Variants in GMDS observed in about 807,000 individuals in gnomAD.
GMDS encodes GDP-mannose 4,6 dehydratase.
GMDS carries 20 observed loss-of-function variants against 49.9 expected under a neutral mutation model. That is an observed-to-expected ratio of 0.40 (90% CI 0.28 to 0.58). The LOEUF (loss-of-function observed/expected upper bound fraction) is 0.58. Ranked by LOEUF, GMDS falls within the 20% of genes least tolerant of loss-of-function variation. The pLI is 0.42. For missense variants in GMDS, 362 were observed against 481.4 expected (o/e 0.75, Z 2.32); for synonymous variants, 177 against 178.6 (o/e 0.99, Z 0.07).
intron 7 of GMDS, among the ~76,000 whole-genome samples, chr6:1,807,600 C>T (rs151330475): frequency 6.6e-6 from 1 of 152,276 alleles, no homozygotes; most frequent in Non-Finnish European, 1.5e-5. Context: ...ATAAATGTAT[C>T]TATTATTCTA....
At chr6:1,691,710 A>G (rs55755623) in intron 9 of GMDS, among the ~76,000 whole-genome samples, 20,043 of 152,228 alleles carry the variant, frequency 0.13, 1,770 homozygotes, top group Non-Finnish European at 0.19. Flanking sequence ...ATTAAGGTAT[A>G]TAATTAACAT....
chr6:1,778,725 G>GA lies in GMDS; in HGVS notation c.772-36140dup, dbSNP rs1198011575. On this transcript the variant is annotated intron_variant, in intron 7 of 10. Transcript: ENST00000380815. This position sits in a 1 kb window ranked among gnomAD's most constrained non-coding sequence, Gnocchi z 4.6. Reference sequence around the variant, plus strand: ...GGAACTTTCCCTTCCTGCCAGCCAGGAAAAAGCCTGCTGACGTTTGCAGCT... The same window carrying GA: ...GGAACTTTCCCTTCCTGCCAGCCAGGAAAAAAGCCTGCTGACGTTTGCAGCT... 2.6e-5 allele frequency among the ~76,000 whole-genome samples: 4 copies of GA among 152,084 alleles called. No homozygotes were observed. Among genetic ancestry groups the GA allele is most frequent in the Non-Finnish European group, 5.9e-5 (4 of 68,004 alleles).
intron 4 of GMDS, among the ~76,000 whole-genome samples, chr6:1,965,723 C>T (rs1161132079): frequency 6.6e-6 from 1 of 152,108 alleles, no homozygotes; most frequent in Non-Finnish European, 1.5e-5. Context: ...GTCCCAGCTA[C>T]TCAAGAGGCT....
intron 1 of GMDS, among the ~76,000 whole-genome samples, chr6:2,136,231 T>C (rs1581698139): frequency 1.3e-5 from 2 of 152,228 alleles, no homozygotes; most frequent in African/African-American, 2.4e-5. Flanking sequence ...ACAATTCAAA[T>C]GTAAATTTTC....
intron 7 of GMDS, among the ~76,000 whole-genome samples, chr6:1,885,055 A>G (rs977972859): frequency 6.6e-6 from 1 of 152,336 alleles, no homozygotes; most frequent in Non-Finnish European, 1.5e-5. Flanking sequence ...GCAATCTGGC[A>G]CCTCTCCTCT....
chr6:1,918,621 T>C (rs1468574978), intron 7 of GMDS, among the ~76,000 whole-genome samples: 2 of 152,104 alleles, frequency 1.3e-5, no homozygotes, highest in Non-Finnish European at 2.9e-5. Context: ...TGGTGGTACA[T>C]GCCTGTAGTC....
At chr6:1,953,485 T>C (rs1005687893) in intron 6 of GMDS, among the ~76,000 whole-genome samples, 45 of 152,308 alleles carry the variant, frequency 3.0e-4, no homozygotes, top group African/African-American at 1.0e-3. Context: ...TGCAAAATGT[T>C]TTTTCTTAAT....
In GMDS at chr6:1,830,735, C is replaced by A. The variant is rs3800082; in HGVS notation, c.772-88149G>T. On this transcript the variant is annotated intron_variant, in intron 7 of 10. Transcript: ENST00000380815. ...AAATCTATGTGATAGTTATTATCAA[C>A]AAGATATTAAATTATCTGAAATTTA... 3.6e-3 allele frequency among the ~76,000 whole-genome samples: 550 copies of A among 152,174 alleles called. 24 individuals are homozygous for A. The East Asian group carries it at 0.093, about 26-fold the overall frequency.
chr6:2,062,194 T>C (rs1052316503), intron 4 of GMDS, among the ~76,000 whole-genome samples: 10 of 152,182 alleles, frequency 6.6e-5, no homozygotes, highest in Non-Finnish European at 1.5e-4. Flanking sequence ...AGCTTCTTAG[T>C]GGCCCAAGAG....
At chr6:2,084,588 G>A (rs1772901816) in intron 4 of GMDS, among the ~76,000 whole-genome samples, 1 of 151,920 alleles carries the variant, frequency 6.6e-6, no homozygotes, top group African/African-American at 2.4e-5. Flanking sequence ...CTCACTGCAA[G>A]CTCCGCCTCC....
intron 6 of GMDS, among the ~76,000 whole-genome samples, chr6:1,943,117 C>T (rs924393412): frequency 6.6e-6 from 1 of 152,234 alleles, no homozygotes; most frequent in Non-Finnish European, 1.5e-5. Context: ...TCTCCTCCTG[C>T]CCTGTCCCCC....
intron 1 of GMDS, among the ~76,000 whole-genome samples, chr6:2,232,153 C>CG (rs1293871992): frequency 4.0e-5 from 4 of 99,506 alleles, no homozygotes; most frequent in African/African-American, 1.3e-4. Context: ...GTGTGTAAAA[C>CG]GGGTTTTTTT....
chr6:1,938,818 T>G (rs749922476), intron 6 of GMDS, among the ~76,000 whole-genome samples: 5 of 152,138 alleles, frequency 3.3e-5, no homozygotes, highest in African/African-American at 4.8e-5. Flanking sequence ...TTTCTTTTTT[T>G]TGGTAATTTT....
chr6:1,939,364 C>T (rs928962531), intron 6 of GMDS, among the ~76,000 whole-genome samples: 1 of 151,776 alleles, frequency 6.6e-6, no homozygotes, highest in African/African-American at 2.4e-5. Context: ...CTCCTGGGGG[C>T]CAGGAGATAC....
At position 1,657,992 on chromosome 6, in the gene GMDS, G is replaced by A. The variant is rs548609168; in HGVS notation, c.988-33452C>T. ...CTACAGGCCTGCCTTGCGTAGCGCC[G>A]GGGTCTGGAGTTTCTGGAGCATTCT... On this transcript the variant is annotated intron_variant, in intron 9 of 10. Coordinates refer to ENST00000380815, the MANE Select transcript of GMDS (RefSeq NM_001500.4). Among the ~76,000 whole-genome samples the A allele has an allele frequency of 4.3e-4, 66 of 152,300 alleles. 1 individual carries two copies. Among genetic ancestry groups the A allele is most frequent in the Admixed American group, 1.2e-3 (18 of 15,308 alleles).
At chr6:2,165,153 A>G (rs924160710) in intron 1 of GMDS, among the ~76,000 whole-genome samples, 1 of 152,138 alleles carries the variant, frequency 6.6e-6, no homozygotes, top group Admixed American at 6.6e-5. Flanking sequence ...CATCCTGGAA[A>G]CTCTGCTCCT....
At chr6:1,661,772 C>T (rs1333729032) in intron 9 of GMDS, among the ~76,000 whole-genome samples, 11 of 152,246 alleles carry the variant, frequency 7.2e-5, no homozygotes, top group Admixed American at 7.2e-4. Context: ...ACTGCTGGGT[C>T]CAGCTGCAGT....
intron 4 of GMDS, among the ~76,000 whole-genome samples, chr6:1,986,288 C>G (rs916402499): frequency 1.3e-5 from 2 of 152,110 alleles, no homozygotes; most frequent in Non-Finnish European, 1.5e-5. Flanking sequence ...GGTTAACTAT[C>G]CAGGGAAGTA....
At chr6:2,139,859 C>T (rs1450209389) in intron 1 of GMDS, among the ~76,000 whole-genome samples, 1 of 152,078 alleles carries the variant, frequency 6.6e-6, no homozygotes, top group Non-Finnish European at 1.5e-5. Flanking sequence ...AAGAAGGAAG[C>T]CAGAACTCAC....
Sources: gnomAD v4.1 joint callset for allele counts (sites outside exome capture counted in the v4.1 genomes callset) on GRCh38, gnomAD v4.1.1 for gene constraint, Gnocchi (gnomAD v3.1) non-coding constraint, MANE v1.5 for transcripts, NCBI Gene and HGNC (gene_info 2026-07-23, HGNC 2026-07-21) for gene names.